The following TCF7L1 variants were observed in gnomAD, a reference collection of about 807,000 sequenced individuals.
The protein encoded by TCF7L1 is transcription factor 7 like 1, also known as transcription factor 7-like 1.
In TCF7L1, 18 loss-of-function variants were observed where a neutral mutation model predicts 63.7. That is an observed-to-expected ratio of 0.28 (90% CI 0.20 to 0.42). The LOEUF (loss-of-function observed/expected upper bound fraction) is 0.42. TCF7L1 is among the 10% of genes least tolerant of loss of function. The probability of loss-of-function intolerance (pLI) is 1.00; values close to 1 mark genes in which losing one functional copy is unlikely to be tolerated. For missense variants in TCF7L1, 654 were observed against 779.3 expected, an observed-to-expected ratio of 0.84 and a Z score of 1.91; for synonymous variants, 355 against 340.9, an observed-to-expected ratio of 1.04 and a Z score of -0.46.
chr2:85,298,481 CAAAAAAAAAAAA>C (rs775849544), intron 4 of TCF7L1, among the ~76,000 whole-genome samples: 4 of 71,044 alleles, frequency 5.6e-5, no homozygotes, highest in African/African-American at 2.5e-4. Flanking sequence ...GACTCTGTCT[CAAAAAAAAAAAA>C]AAAAAAAAAG....
intron 3 of TCF7L1, among the ~76,000 whole-genome samples, chr2:85,172,646 G>A (rs985733170): frequency 6.6e-6 from 1 of 152,048 alleles, no homozygotes; most frequent in Non-Finnish European, 1.5e-5. Context: ...GGCTGGTCTC[G>A]AACTCCTGAC....
chr2:85,272,931 C>T (rs1681184855), intron 3 of TCF7L1, among the ~76,000 whole-genome samples: 1 of 152,232 alleles, frequency 6.6e-6, no homozygotes, highest in Non-Finnish European at 1.5e-5. Flanking sequence ...GTTCAAAAGC[C>T]AGTTGCCTTT....
chr2:85,275,919 CAAAAA>C (rs10657618), intron 3 of TCF7L1, among the ~76,000 whole-genome samples: 1 of 106,858 alleles, frequency 9.4e-6, no homozygotes, highest in African/African-American at 3.7e-5. Flanking sequence ...GACTCCATCT[CAAAAA>C]AAAAAAAAAA....
At position 85,134,381 on chromosome 2, in the gene TCF7L1, C is replaced by A; in HGVS notation, c.372C>A (p.Phe124Leu). The change falls in exon 3 of 12, where the codon TTC (phenylalanine) becomes TTA (leucine). Residue 124 changes from phenylalanine (F) to leucine (L), a missense_variant. Physicochemically the swap from Phe to Leu is conservative, Grantham distance 22. Coordinates refer to ENST00000282111, the MANE Select transcript of TCF7L1 (RefSeq NM_031283.3). This position sits in a 1 kb window ranked among gnomAD's most constrained non-coding sequence, Gnocchi z 5.0. The part of the protein sequence containing the change: ...FKGPPYPGYP[F>L]LMIPDLSSPY... ...GACCCCCGTACCCTGGGTACCCCTTCCTGATGATCCCGGACCTGAGCAGCC... is the reference window on the plus strand; with the variant it reads ...GACCCCCGTACCCTGGGTACCCCTTACTGATGATCCCGGACCTGAGCAGCC... 6.3e-7 allele frequency: 1 copy of A among 1,576,080 alleles called. No individual in the cohort carries two copies. Among genetic ancestry groups the A allele is most frequent in the South Asian group, 1.2e-5 (1 of 86,164 alleles).
intron 3 of TCF7L1, among the ~76,000 whole-genome samples, chr2:85,181,516 G>T (rs1300352229): frequency 6.6e-6 from 1 of 152,176 alleles, no homozygotes; most frequent in African/African-American, 2.4e-5. Flanking sequence ...TGGTGGCCAG[G>T]AGAGAGGGAG....
At chr2:85,200,762 C>A (rs1050009779) in intron 3 of TCF7L1, among the ~76,000 whole-genome samples, 8 of 152,120 alleles carry the variant, frequency 5.3e-5, no homozygotes, top group Non-Finnish European at 1.2e-4. Context: ...CTGGAATAAG[C>A]AGTTTACTGG....
intron 3 of TCF7L1, among the ~76,000 whole-genome samples, chr2:85,150,338 G>A (rs796753445): frequency 1.1e-4 from 17 of 151,410 alleles, no homozygotes; most frequent in African/African-American, 2.2e-4. Flanking sequence ...GGTTCACGCC[G>A]TTCTCCTGCC....
At chr2:85,152,204 G>C (rs1678032890) in intron 3 of TCF7L1, among the ~76,000 whole-genome samples, 1 of 152,156 alleles carries the variant, frequency 6.6e-6, no homozygotes, top group Non-Finnish European at 1.5e-5. Context: ...TCCCAGGCCA[G>C]GAGCTGGCCA....
intron 4 of TCF7L1, among the ~76,000 whole-genome samples, chr2:85,294,776 T>C (rs751720831): frequency 6.6e-6 from 1 of 152,170 alleles, no homozygotes; most frequent in African/African-American, 2.4e-5. Context: ...CTCACACCTG[T>C]AATCCCAGCA....
chr2:85,195,958 T>C (rs982752203), intron 3 of TCF7L1, among the ~76,000 whole-genome samples: 3 of 152,204 alleles, frequency 2.0e-5, no homozygotes, highest in African/African-American at 7.2e-5. Flanking sequence ...AAAAAGGATT[T>C]CTTTAAAGGA....
chr2:85,267,518 G>A lies in TCF7L1; in HGVS notation c.442-15977G>A, dbSNP rs184225760. 2.6e-3 allele frequency among the ~76,000 whole-genome samples: 386 copies of A among 150,840 alleles called. 2 individuals carry two copies. The highest frequency in any genetic ancestry group is 0.01 in the Middle Eastern group (3 of 286). On this transcript the variant is annotated intron_variant, in intron 3 of 11. Transcript: ENST00000282111. ...TACAAAAATTAGCTGGTGTGGTGGC[G>A]CACACCTGTAATCCTAGTTACTCAG... is the stretch of plus-strand genomic sequence containing the variant.
intron 4 of TCF7L1, among the ~76,000 whole-genome samples, chr2:85,299,752 G>A (rs1180778235): frequency 6.6e-6 from 1 of 151,538 alleles, no homozygotes; most frequent in Non-Finnish European, 1.5e-5. Context: ...CCAGCTACTT[G>A]GGAGGCTGAG....
At chr2:85,300,618 C>A (rs1489062097) in intron 4 of TCF7L1, among the ~76,000 whole-genome samples, 4 of 151,996 alleles carry the variant, frequency 2.6e-5, no homozygotes, top group African/African-American at 9.7e-5. Context: ...CAAGGATACC[C>A]AGGAAATCTA....
intron 3 of TCF7L1, among the ~76,000 whole-genome samples, chr2:85,265,730 A>G (rs764399261): frequency 1.7e-4 from 26 of 152,008 alleles, no homozygotes; most frequent in Admixed American, 6.5e-5. Context: ...AAGTTCAGAA[A>G]TGAGAGGCTG....
At chr2:85,169,773 A>T (rs1678504896) in intron 3 of TCF7L1, among the ~76,000 whole-genome samples, 1 of 152,098 alleles carries the variant, frequency 6.6e-6, no homozygotes, top group African/African-American at 2.4e-5. Flanking sequence ...AGCTCCCATG[A>T]TGCAGGGCCA....
Position 85,152,787 on chromosome 2 carries a change from C to G in TCF7L1, c.441+18337C>G, listed in dbSNP as rs188653618. Among the ~76,000 whole-genome samples, 22 of 152,010 alleles carry G rather than the reference C, an allele frequency of 1.4e-4. 1 individual carries two copies. The East Asian group carries it at 4.1e-3, about 28-fold the overall frequency. ...ATATTGGTGATTCTGTTCATCAATC[C>G]CCCTACTTAATAGTTGTATAATTTT... is the stretch of plus-strand genomic sequence containing the variant. On this transcript the variant is annotated intron_variant, in intron 3 of 11. Transcript: ENST00000282111.
chr2:85,265,493 A>T (rs2104350592), intron 3 of TCF7L1, among the ~76,000 whole-genome samples: 1 of 152,224 alleles, frequency 6.6e-6, no homozygotes, highest in East Asian at 1.9e-4. Flanking sequence ...TCTGGAAGGG[A>T]AAGAGTGGAG....
At chr2:85,302,272 C>T (rs1681999610) in intron 4 of TCF7L1, among the ~76,000 whole-genome samples, 1 of 152,150 alleles carries the variant, frequency 6.6e-6, no homozygotes, top group Non-Finnish European at 1.5e-5. Context: ...ACACACAGTG[C>T]ACGTGAGGGG....
At chr2:85,140,906 A>T (rs1017211755) in intron 3 of TCF7L1, among the ~76,000 whole-genome samples, 1 of 93,054 alleles carries the variant, frequency 1.1e-5, no homozygotes, top group Non-Finnish European at 2.1e-5. Flanking sequence ...CGAAAGAGAG[A>T]GAGAGACAGA....
Sources: allele counts gnomAD v4.1 joint callset (sites outside exome capture counted in the v4.1 genomes callset), GRCh38; gene constraint gnomAD v4.1.1; non-coding constraint Gnocchi (gnomAD v3.1); transcripts MANE v1.5; gene names NCBI Gene and HGNC (gene_info 2026-07-23, HGNC 2026-07-21).